FILIP1L: variants seen among roughly 807,000 people sequenced by gnomAD.
FILIP1L encodes filamin A-interacting protein 1-like.
Under a neutral mutation model 96.6 loss-of-function variants are expected in FILIP1L, and 55 were observed. That is an observed-to-expected ratio of 0.57 (90% CI 0.46 to 0.71). The LOEUF (loss-of-function observed/expected upper bound fraction) is 0.71, where lower values mean the gene tolerates loss of function less well. Among genes scored for constraint, FILIP1L ranks in the 30% least tolerant of loss-of-function variants. The pLI is 0.00. For missense variants in FILIP1L, 1,304 were observed against 1,321.2 expected, an observed-to-expected ratio of 0.99 and a Z score of 0.20; for synonymous variants, 467 against 473.9, an observed-to-expected ratio of 0.99 and a Z score of 0.19.
At chr3:99,937,781 C>T (rs1707725779) in intron 1 of FILIP1L, among the ~76,000 whole-genome samples, 1 of 152,102 alleles carries the variant, frequency 6.6e-6, no homozygotes, top group Non-Finnish European at 1.5e-5. Flanking sequence ...AAACCACTGG[C>T]TAGAAATTAG....
At chr3:100,060,994 G>A (rs1272054375) in intron 1 of FILIP1L, among the ~76,000 whole-genome samples, 1 of 152,180 alleles carries the variant, frequency 6.6e-6, no homozygotes, top group African/African-American at 2.4e-5. Context: ...GTGATGAGTT[G>A]CAGCATAGCA....
At chr3:100,097,743 G>A (rs987660884) in intron 1 of FILIP1L, among the ~76,000 whole-genome samples, 2 of 152,166 alleles carry the variant, frequency 1.3e-5, no homozygotes, top group African/African-American at 2.4e-5. Flanking sequence ...AATATTCTTC[G>A]TTATTTGGCA....
intron 1 of FILIP1L, among the ~76,000 whole-genome samples, chr3:100,000,547 A>G (rs1056526919): frequency 3.3e-5 from 5 of 152,190 alleles, no homozygotes; most frequent in Admixed American, 2.6e-4. Flanking sequence ...TTCAGACAAT[A>G]CTCCTAAAAG....
Position 100,094,674 on chromosome 3 carries a change from CTTTTTTTTT to C in FILIP1L, c.-11+19370_-11+19378del, listed in dbSNP as rs71132509. On this transcript the variant is annotated intron_variant, in intron 1 of 5. Transcript: ENST00000477258. ...CAGCACCATTTGTTGGAAAAGCTGC[CTTTTTTTTT>C]TTTTTTTTTTTTTTTTTTTTGAGAC... 3.4e-3 allele frequency among the ~76,000 whole-genome samples: 192 copies of C among 57,006 alleles called. 1 individual carries two copies. Among genetic ancestry groups the C allele is most frequent in the Non-Finnish European group, 4.9e-3 (153 of 31,320 alleles). The allele number at this position is 57,006 out of a possible 152,430, so 37.4% of individuals were successfully genotyped here. A position where few individuals can be genotyped will look rare whatever the true frequency, so the allele number is the denominator to read the frequency against.
chr3:100,020,804 G>T (rs999894806), intron 1 of FILIP1L, among the ~76,000 whole-genome samples: 1 of 100,186 alleles, frequency 1.0e-5, no homozygotes, highest in African/African-American at 3.9e-5. Flanking sequence ...GTCTTGCTCT[G>T]TTGCCAGGTT....
intron 1 of FILIP1L, among the ~76,000 whole-genome samples, chr3:99,942,606 C>T (rs532634662): frequency 6.6e-6 from 1 of 152,016 alleles, no homozygotes; most frequent in African/African-American, 2.4e-5. Flanking sequence ...CCGAGGCGGG[C>T]GGATCACCTG....
chr3:99,925,752 TG>T, intron 3 of FILIP1L: 1 of 543,172 alleles, frequency 1.8e-6, no homozygotes, highest in Non-Finnish European at 2.3e-6. Context: ...CAAGTGCACT[TG>T]GTGGAAGTGG....
At chr3:99,852,298 C>T (rs535587509) in intron 4 of FILIP1L, among the ~76,000 whole-genome samples, 2 of 152,170 alleles carry the variant, frequency 1.3e-5, no homozygotes, top group Non-Finnish European at 2.9e-5. Flanking sequence ...TGACTACTTA[C>T]ATTCTGATAG....
At chr3:100,063,357 G>A (rs150246994) in intron 1 of FILIP1L, among the ~76,000 whole-genome samples, 1,865 of 151,958 alleles carry the variant, frequency 0.012, 32 homozygotes, top group African/African-American at 0.042. Context: ...CCATTAAAGG[G>A]TCTGAATGAC....
At chr3:99,846,894 G>A (rs1179322609) in intron 5 of FILIP1L, among the ~76,000 whole-genome samples, 2 of 152,168 alleles carry the variant, frequency 1.3e-5, no homozygotes, top group African/African-American at 4.8e-5. Context: ...ATGGCAATAA[G>A]CTACTTTGTC....
chr3:99,964,860 T>C (rs759792446), intron 1 of FILIP1L, among the ~76,000 whole-genome samples: 12 of 152,114 alleles, frequency 7.9e-5, no homozygotes, highest in Admixed American at 2.0e-4. Context: ...AAAAACTCTT[T>C]CCTAAGTTAA....
chr3:99,959,816 T>C (rs1708440861), intron 1 of FILIP1L, among the ~76,000 whole-genome samples: 1 of 152,208 alleles, frequency 6.6e-6, no homozygotes, highest in African/African-American at 2.4e-5. Context: ...ATGTAATTTT[T>C]TTAGAATTAC....
intron 1 of FILIP1L, among the ~76,000 whole-genome samples, chr3:99,982,253 A>G (rs746601514): frequency 1.3e-4 from 20 of 152,128 alleles, no homozygotes; most frequent in Admixed American, 6.5e-4. Context: ...TATGCCTGTC[A>G]TGCTTATACA....
At chr3:100,040,731 T>G (rs1305406160) in intron 1 of FILIP1L, 2 of 152,222 alleles carry the variant, frequency 1.3e-5, no homozygotes, top group East Asian at 3.8e-4. Flanking sequence ...GCCAAGAGGT[T>G]GTGACATTTT....
At chr3:100,059,827 A>G (rs1410299230) in intron 1 of FILIP1L, among the ~76,000 whole-genome samples, 1 of 152,162 alleles carries the variant, frequency 6.6e-6, no homozygotes, top group Non-Finnish European at 1.5e-5. Flanking sequence ...CCTGATTTTT[A>G]AAAAACTCTG....
chr3:99,999,359 C>T (rs1454526289), intron 1 of FILIP1L, among the ~76,000 whole-genome samples: 1 of 152,150 alleles, frequency 6.6e-6, no homozygotes, highest in Non-Finnish European at 1.5e-5. Context: ...TTCCCTGCAT[C>T]AGAGTCATAA....
chr3:100,040,265 A>G (rs78257828), intron 1 of FILIP1L: 1 of 152,178 alleles, frequency 6.6e-6, no homozygotes, highest in Non-Finnish European at 1.5e-5. Flanking sequence ...TTATTTGCAT[A>G]TTTCATTTGC....
At chr3:100,052,505 G>A (rs530595761) in intron 1 of FILIP1L, among the ~76,000 whole-genome samples, 4 of 152,178 alleles carry the variant, frequency 2.6e-5, no homozygotes, top group Admixed American at 1.3e-4. Context: ...TTATTATTGT[G>A]GTTTTATTAA....
At chr3:99,984,147 A>C (rs1455821261) in intron 1 of FILIP1L, among the ~76,000 whole-genome samples, 1 of 152,066 alleles carries the variant, frequency 6.6e-6, no homozygotes, top group African/African-American at 2.4e-5. Flanking sequence ...CTGGAAGTCC[A>C]TCACAAATTG....
Sources: gnomAD v4.1 joint callset for allele counts (sites outside exome capture counted in the v4.1 genomes callset) on GRCh38, gnomAD v4.1.1 for gene constraint, MANE v1.5 for transcripts, NCBI Gene and HGNC (gene_info 2026-07-23, HGNC 2026-07-21) for gene names.